NTRK2: variants seen among roughly 807,000 people sequenced by gnomAD.
The protein encoded by NTRK2 is neurotrophic receptor tyrosine kinase 2, also known as BDNF/NT-3 growth factors receptor.
NTRK2 carries 13 observed loss-of-function variants against 94.5 expected under a neutral mutation model. The ratio of observed to expected loss-of-function variants is 0.14; its 90% confidence interval spans 0.09 to 0.22. NTRK2 has a LOEUF of 0.22. Among genes scored for constraint, NTRK2 ranks in the 10% least tolerant of loss-of-function variants. The pLI is 1.00. For missense variants in NTRK2, 639 were observed against 1,071.2 expected, an observed-to-expected ratio of 0.60 and a Z score of 5.63; for synonymous variants, 372 against 407.4, an observed-to-expected ratio of 0.91 and a Z score of 1.05.
intron 7 of NTRK2, 75 bp downstream of exon 7, chr9:84,723,784 T>C: frequency 1.3e-6 from 2 of 1,571,662 alleles, no homozygotes; most frequent in Non-Finnish European, 1.8e-6. Context: ...TTAAACCTAG[T>C]GATGATCATT....
chr9:84,981,651 A>G (rs1827639101), intron 17 of NTRK2, among the ~76,000 whole-genome samples: 1 of 152,202 alleles, frequency 6.6e-6, no homozygotes, highest in South Asian at 2.1e-4. Context: ...AAGGTATGAT[A>G]CTTACATGTT....
intron 17 of NTRK2, among the ~76,000 whole-genome samples, chr9:85,010,073 C>T (rs778523428): frequency 5.3e-5 from 8 of 152,140 alleles, no homozygotes; most frequent in African/African-American, 9.7e-5. Flanking sequence ...ACAGGATGCA[C>T]GCAGGACAGC....
intron 14 of NTRK2, among the ~76,000 whole-genome samples, chr9:84,917,614 C>T (rs958257617): frequency 6.6e-6 from 1 of 152,058 alleles, no homozygotes; most frequent in Admixed American, 6.6e-5. Flanking sequence ...TTGACATTTC[C>T]GTGGTAAAAA....
chr9:84,885,314 G>A (rs2076379424), intron 14 of NTRK2, among the ~76,000 whole-genome samples: 1 of 152,182 alleles, frequency 6.6e-6, no homozygotes, highest in Non-Finnish European at 1.5e-5. Flanking sequence ...AAAGAATCAA[G>A]TGCTAAATCA....
intron 9 of NTRK2, among the ~76,000 whole-genome samples, chr9:84,738,223 A>G (rs963431184): frequency 6.6e-6 from 1 of 151,670 alleles, no homozygotes; most frequent in African/African-American, 2.4e-5. Flanking sequence ...CACTCAAGAA[A>G]TCATAATAAC....
Position 84,710,804 on chromosome 9 carries a change from T to G in NTRK2, c.583+13T>G. 6.2e-7 allele frequency: 1 copy of G among 1,613,726 alleles called. No homozygotes were observed. The highest frequency in any genetic ancestry group is 8.5e-7 in the Non-Finnish European group (1 of 1,179,610). ...ATACCCAATTGTGGTAATTTATTTT[T>G]AAATCAATGTGTTCTAGTTGCTATT... On this transcript the variant is annotated intron_variant, in intron 6 of 18. Transcript: ENST00000277120.
chr9:84,776,210 TTTG>T (rs2067024534), intron 12 of NTRK2, among the ~76,000 whole-genome samples: 1 of 151,744 alleles, frequency 6.6e-6, no homozygotes. Context: ...GTTTAAAAGC[TTTG>T]TTATTTATTT....
chr9:84,868,811 C>T (rs2075711567), intron 14 of NTRK2, among the ~76,000 whole-genome samples: 1 of 152,134 alleles, frequency 6.6e-6, no homozygotes, highest in African/African-American at 2.4e-5. Flanking sequence ...ATGGGAGCAT[C>T]TGTCATCATT....
Position 84,731,421 on chromosome 9 carries a change from G to A in NTRK2, c.1159+3462G>A, listed in dbSNP as rs1270219432. ...ACTGCACTCCAGCCTGGGTGACAGA[G>A]CCAGATCCTGTCTCAAAAATAAAAC... On this transcript the variant is annotated intron_variant, in intron 9 of 18. Coordinates refer to ENST00000277120, the MANE Select transcript of NTRK2 (RefSeq NM_006180.6). Among the ~76,000 whole-genome samples the A allele has an allele frequency of 2.0e-5, 3 of 152,260 alleles. No homozygotes were observed. In the East Asian group the frequency reaches 5.8e-4, roughly 29 times the overall value.
intron 12 of NTRK2, among the ~76,000 whole-genome samples, chr9:84,794,252 A>G (rs1010218486): frequency 4.6e-5 from 7 of 152,210 alleles, no homozygotes; most frequent in African/African-American, 1.7e-4. Flanking sequence ...GGAGATTAGG[A>G]AGAAGTTGCC....
chr9:84,715,201 G>T (rs764995764), intron 6 of NTRK2, among the ~76,000 whole-genome samples: 11 of 152,048 alleles, frequency 7.2e-5, no homozygotes, highest in Non-Finnish European at 1.5e-4. Flanking sequence ...ATTGGACCAG[G>T]TTTTTAATAT....
intron 12 of NTRK2, among the ~76,000 whole-genome samples, chr9:84,849,422 C>A (rs535298138): frequency 1.2e-4 from 19 of 152,194 alleles, no homozygotes; most frequent in African/African-American, 4.6e-4. Context: ...ATCTTCTGGG[C>A]AAGGAAGGAG....
intron 17 of NTRK2, among the ~76,000 whole-genome samples, chr9:85,001,378 T>G (rs1400103718): frequency 2.0e-5 from 3 of 152,188 alleles, no homozygotes; most frequent in Non-Finnish European, 4.4e-5. Flanking sequence ...TGTCTTTGCC[T>G]TTTCAGATGA....
rs180790644 is a variant in NTRK2 at position 84,835,253 on chromosome 9, C to T, written c.1397-25787C>T. ...ATCAGCAATTATTGAGTATCTGGCCCTGTGCAAGACATCTTTCCTCGCTTG... is the reference window on the plus strand; with the variant it reads ...ATCAGCAATTATTGAGTATCTGGCCTTGTGCAAGACATCTTTCCTCGCTTG... On this transcript the variant is annotated intron_variant, in intron 12 of 18. Transcript: ENST00000277120. Among the ~76,000 whole-genome samples, 9 of 152,242 alleles carry T rather than the reference C, an allele frequency of 5.9e-5. No individual in the cohort carries two copies. In the East Asian group the frequency reaches 1.7e-3, roughly 29 times the overall value.
Position 85,022,991 on chromosome 9 carries a change from T to A in NTRK2, c.*1554T>A, listed in dbSNP as rs201536523. ...GTTGGGAGAGTGGTTTCATTCCAAG[T>A]GTACTCCATTGTCAGTATGCTGTTT... On this transcript the variant is annotated 3_prime_UTR_variant, in exon 19 of 19. Coordinates refer to ENST00000277120, the MANE Select transcript of NTRK2 (RefSeq NM_006180.6). 8.6e-6 allele frequency: 2 copies of A among 233,086 alleles called. No individual in the cohort carries two copies. Among genetic ancestry groups the A allele is most frequent in the Non-Finnish European group, 1.7e-5 (2 of 118,014 alleles). The allele number at this position is 233,086 out of a possible 1,614,324, so 14.4% of individuals were successfully genotyped here.
At chr9:84,695,763 T>C (rs1232742837) in intron 2 of NTRK2, among the ~76,000 whole-genome samples, 1 of 152,246 alleles carries the variant, frequency 6.6e-6, no homozygotes, top group East Asian at 1.9e-4. Context: ...TAAACAAATA[T>C]ATATTTCCAA....
At chr9:84,887,936 T>G (rs2076467636) in intron 14 of NTRK2, among the ~76,000 whole-genome samples, 1 of 152,218 alleles carries the variant, frequency 6.6e-6, no homozygotes, top group African/African-American at 2.4e-5. Context: ...TGACACATGA[T>G]CTTACTTTCT....
intron 9 of NTRK2, among the ~76,000 whole-genome samples, chr9:84,732,726 G>A (rs1340595720): frequency 6.6e-6 from 1 of 152,188 alleles, no homozygotes; most frequent in Non-Finnish European, 1.5e-5. Flanking sequence ...CAGGTGAAAG[G>A]GGGTGGAGAA....
chr9:84,731,985 C>A (rs2062924774), intron 9 of NTRK2, among the ~76,000 whole-genome samples: 1 of 152,140 alleles, frequency 6.6e-6, no homozygotes, highest in Non-Finnish European at 1.5e-5. Flanking sequence ...TGGCTAGTAA[C>A]TGAGAAAGAG....
Sources: allele counts gnomAD v4.1 joint callset (sites outside exome capture counted in the v4.1 genomes callset), GRCh38; gene constraint gnomAD v4.1.1; transcripts MANE v1.5; gene names NCBI Gene and HGNC (gene_info 2026-07-23, HGNC 2026-07-21).